The following SYNDIG1 variants were observed in gnomAD, a reference collection of about 807,000 sequenced individuals.
SYNDIG1 encodes the protein synapse differentiation-inducing gene protein 1.
Under a neutral mutation model 19.4 loss-of-function variants are expected in SYNDIG1, and 9 were observed. That is an observed-to-expected ratio of 0.46 (90% CI 0.28 to 0.81). SYNDIG1 has a LOEUF of 0.81. SYNDIG1 is among the 30% of genes least tolerant of loss of function. SYNDIG1 has a pLI of 0.12. For missense variants in SYNDIG1, 311 were observed against 343.3 expected (o/e 0.91, Z 0.74); for synonymous variants, 141 against 145.9 (o/e 0.97, Z 0.24).
chr20:24,537,150 C>T (rs2057378057), intron 1 of SYNDIG1, among the ~76,000 whole-genome samples: 6 of 152,198 alleles, frequency 3.9e-5, no homozygotes, highest in Admixed American at 3.9e-4. Context: ...TCTCTCCAGC[C>T]TCCTCCTCTG....
chr20:24,560,675 A>T (rs2057923267), intron 2 of SYNDIG1, among the ~76,000 whole-genome samples: 1 of 144,196 alleles, frequency 6.9e-6, no homozygotes, highest in Non-Finnish European at 1.5e-5. Flanking sequence ...CCTGCCCCCG[A>T]GACAGTTTCT....
intron 3 of SYNDIG1, among the ~76,000 whole-genome samples, chr20:24,625,697 C>T (rs1167126845): frequency 6.6e-6 from 1 of 151,882 alleles, no homozygotes. Flanking sequence ...CATAGATCAA[C>T]AGGATCCCAA....
chr20:24,565,374 G>A (rs947292366), intron 2 of SYNDIG1, among the ~76,000 whole-genome samples: 1 of 152,192 alleles, frequency 6.6e-6, no homozygotes, highest in Non-Finnish European at 1.5e-5. Flanking sequence ...ACAGCTTCAA[G>A]AATCATTCAG....
In SYNDIG1 at chr20:24,489,464, CACAT is replaced by C. The variant is rs57859012; in HGVS notation, c.-79+19714_-79+19717del. 6.1e-3 allele frequency among the ~76,000 whole-genome samples: 886 copies of C among 144,428 alleles called. 8 individuals are homozygous for C. Among genetic ancestry groups the C allele is most frequent in the African/African-American group, 0.024 (815 of 34,428 alleles). The allele number at this position is 144,428 out of a possible 152,430, so 94.8% of individuals were successfully genotyped here. ...GCACACACAGACACATGCACACAGACACATACGTGCATGGACACACAGACACATG... is the reference window on the plus strand; with the variant it reads ...GCACACACAGACACATGCACACAGACACGTGCATGGACACACAGACACATG... On this transcript the variant is annotated intron_variant, in intron 1 of 3. Transcript: ENST00000376862.
In SYNDIG1 at chr20:24,635,216, G is replaced by A. The variant is rs563702254; in HGVS notation, c.619-30130G>A. The stretch of plus-strand genomic sequence containing the variant: ...TCACGGTGGTGACTCATGAACACAC[G>A]AAGAATTGGGTGTGCAGAGGAGGAG... On this transcript the variant is annotated intron_variant, in intron 3 of 3. Coordinates refer to ENST00000376862, the MANE Select transcript of SYNDIG1 (RefSeq NM_024893.3). 5.9e-5 allele frequency among the ~76,000 whole-genome samples: 9 copies of A among 152,324 alleles called. No homozygotes were observed. In the East Asian group the frequency reaches 1.2e-3, roughly 20 times the overall value.
chr20:24,656,515 CT>C (rs2059527363), intron 3 of SYNDIG1, among the ~76,000 whole-genome samples: 1 of 152,212 alleles, frequency 6.6e-6, no homozygotes, highest in South Asian at 2.1e-4. Flanking sequence ...AGGTGGGCTG[CT>C]GGGGTGGACC....
chr20:24,622,626 T>C (rs2059056476), intron 3 of SYNDIG1, among the ~76,000 whole-genome samples: 1 of 152,234 alleles, frequency 6.6e-6, no homozygotes, highest in South Asian at 2.1e-4. Context: ...TAATGCCTGA[T>C]GACCTGAGAT....
chr20:24,485,411 TAG>T (rs1476767436), intron 1 of SYNDIG1, among the ~76,000 whole-genome samples: 6 of 152,226 alleles, frequency 3.9e-5, no homozygotes, highest in Admixed American at 1.3e-4. Context: ...AAGGAAATTA[TAG>T]GTCTTTGGAA....
At chr20:24,578,574 G>A (rs1014184539) in intron 2 of SYNDIG1, among the ~76,000 whole-genome samples, 4 of 152,222 alleles carry the variant, frequency 2.6e-5, no homozygotes, top group African/African-American at 9.7e-5. Context: ...GGAAGGTGGT[G>A]GCAGCTTTGC....
chr20:24,511,391 C>G (rs1286558215), intron 1 of SYNDIG1, among the ~76,000 whole-genome samples: 1 of 152,190 alleles, frequency 6.6e-6, no homozygotes, highest in Non-Finnish European at 1.5e-5. Context: ...GCTGTGTTTT[C>G]AGCATAGAAC....
At chr20:24,503,276 G>T (rs1169263269) in intron 1 of SYNDIG1, among the ~76,000 whole-genome samples, 1 of 152,208 alleles carries the variant, frequency 6.6e-6, no homozygotes, top group Non-Finnish European at 1.5e-5. Context: ...GCAAGGCAGG[G>T]CGGACAGGTG....
intron 1 of SYNDIG1, among the ~76,000 whole-genome samples, chr20:24,487,205 T>C (rs1195790822): frequency 6.6e-6 from 1 of 152,218 alleles, no homozygotes; most frequent in Non-Finnish European, 1.5e-5. Context: ...AGTAAACTTA[T>C]ACAACCTGGA....
At chr20:24,530,025 G>GTGGTGATGGTGTCAGTGGTGGGGA (rs1568614911) in intron 1 of SYNDIG1, among the ~76,000 whole-genome samples, 68 of 1,960 alleles carry the variant, frequency 0.035, no homozygotes, top group East Asian at 0.056. Context: ...GGTGATGGTC[G>GTGGTGATGGTGTCAGTGGTGGGGA]TGGTGATGGT....
intron 3 of SYNDIG1, among the ~76,000 whole-genome samples, chr20:24,641,325 A>G (rs2059374989): frequency 6.6e-6 from 1 of 152,214 alleles, no homozygotes; most frequent in African/African-American, 2.4e-5. Flanking sequence ...AGTTGGGTAG[A>G]TACATAAATA....
At chr20:24,553,192 T>A (rs935980691) in intron 2 of SYNDIG1, among the ~76,000 whole-genome samples, 2 of 152,020 alleles carry the variant, frequency 1.3e-5, no homozygotes, top group African/African-American at 4.8e-5. Flanking sequence ...TTGAGTTCAT[T>A]GTAGATTCTG....
chr20:24,583,582 C>G (rs1225911227), intron 2 of SYNDIG1, among the ~76,000 whole-genome samples: 4 of 152,192 alleles, frequency 2.6e-5, no homozygotes, highest in African/African-American at 9.6e-5. Context: ...GGTGTGAGGG[C>G]TCCGTATTTT....
intron 1 of SYNDIG1, among the ~76,000 whole-genome samples, chr20:24,526,398 T>C (rs1244423691): frequency 6.6e-6 from 1 of 152,166 alleles, no homozygotes; most frequent in Non-Finnish European, 1.5e-5. Context: ...TTTCCATTCA[T>C]TTGGTAGTTA....
intron 3 of SYNDIG1, among the ~76,000 whole-genome samples, chr20:24,606,993 A>G (rs2058765560): frequency 6.6e-6 from 1 of 152,208 alleles, no homozygotes; most frequent in Non-Finnish European, 1.5e-5. Context: ...CATGTGTTAT[A>G]TGAACGGACC....
At chr20:24,551,752 T>TCTAATGAGTTTTC in intron 2 of SYNDIG1, among the ~76,000 whole-genome samples, 1 of 152,322 alleles carries the variant, frequency 6.6e-6, no homozygotes, top group Non-Finnish European at 1.5e-5. Flanking sequence ...AATGAGTTAT[T>TCTAATGAGTTTTC]TATTAATGTG....
Sources: allele counts gnomAD v4.1 joint callset (sites outside exome capture counted in the v4.1 genomes callset), GRCh38; gene constraint gnomAD v4.1.1; transcripts MANE v1.5; gene names NCBI Gene and HGNC (gene_info 2026-07-23, HGNC 2026-07-21).